The following LIMCH1 variants were observed in gnomAD, a reference collection of about 807,000 sequenced individuals.
LIMCH1 encodes LIM and calponin homology domains-containing protein 1.
A neutral mutation model predicts 176.5 loss-of-function variants in LIMCH1; 113 were observed. The observed-to-expected ratio is 0.64, with a 90% confidence interval of 0.55 to 0.75. The LOEUF is 0.75. Ranked by LOEUF, LIMCH1 falls within the 30% of genes least tolerant of loss-of-function variation. The pLI is 0.00. For missense variants in LIMCH1, 1,674 were observed against 1,814.9 expected (o/e 0.92, Z 1.41); for synonymous variants, 619 against 645.9 (o/e 0.96, Z 0.63).
intron 4 of LIMCH1, among the ~76,000 whole-genome samples, chr4:41,611,022 A>G (rs1343616637): frequency 6.6e-6 from 1 of 152,210 alleles, no homozygotes; most frequent in Non-Finnish European, 1.5e-5. Flanking sequence ...CAGTTTTGGG[A>G]TGATGCTGAA....
At chr4:41,432,208 G>A (rs539494770) in intron 1 of LIMCH1, among the ~76,000 whole-genome samples, 3 of 152,318 alleles carry the variant, frequency 2.0e-5, no homozygotes, top group East Asian at 1.9e-4. Flanking sequence ...TGGCTGATGC[G>A]TGTTGTGTGA....
At chr4:41,523,745 T>C (rs1389630275) in intron 2 of LIMCH1, among the ~76,000 whole-genome samples, 1 of 152,242 alleles carries the variant, frequency 6.6e-6, no homozygotes, top group Non-Finnish European at 1.5e-5. Context: ...TTCTCTTGCA[T>C]TCCCTTGCTT....
intron 3 of LIMCH1, 114 bp downstream of exon 3, chr4:41,604,019 G>A: frequency 2.0e-6 from 2 of 994,746 alleles, no homozygotes; most frequent in South Asian, 3.2e-5. Flanking sequence ...AAGTATATGT[G>A]TATTTCATAG....
In LIMCH1 at chr4:41,383,735, A is replaced by C. The variant is rs190378726; in HGVS notation, c.96+22799A>C. Among the ~76,000 whole-genome samples the C allele has an allele frequency of 8.3e-4, 126 of 152,292 alleles. 1 individual carries two copies. The highest frequency in any genetic ancestry group is 3.4e-3 in the Middle Eastern group (1 of 294). On this transcript the variant is annotated intron_variant, in intron 1 of 26. Transcript: ENST00000313860. ...TATCTATATCTATAGATCTATCTATATATATGTCTATATGTATGTGTATGT... is the reference window on the plus strand; with the variant it reads ...TATCTATATCTATAGATCTATCTATCTATATGTCTATATGTATGTGTATGT...
At chr4:41,509,312 T>G (rs931819161) in intron 2 of LIMCH1, among the ~76,000 whole-genome samples, 3 of 152,156 alleles carry the variant, frequency 2.0e-5, no homozygotes, top group African/African-American at 7.2e-5. Flanking sequence ...CTGTAGATGA[T>G]TAGATGGAGA....
chr4:41,553,037 G>T (rs1445499094), intron 1 of LIMCH1, among the ~76,000 whole-genome samples: 1 of 152,212 alleles, frequency 6.6e-6, no homozygotes. Context: ...GGGTTAACGT[G>T]ACCCTAGGTG....
intron 1 of LIMCH1, among the ~76,000 whole-genome samples, chr4:41,373,924 A>G (rs1183420865): frequency 2.6e-5 from 4 of 152,156 alleles, no homozygotes; most frequent in African/African-American, 9.7e-5. Context: ...AAAAGTGTGT[A>G]GTACCTCCCC....
intron 1 of LIMCH1, among the ~76,000 whole-genome samples, chr4:41,433,994 A>G (rs10017446): frequency 0.43 from 65,809 of 151,996 alleles, 17,740 homozygotes; most frequent in African/African-American, 0.77. Context: ...AGGGTTCTGG[A>G]CAGACACTGC....
chr4:41,494,657 C>T (rs758542297), intron 2 of LIMCH1: 3 of 1,187,534 alleles, frequency 2.5e-6, no homozygotes, highest in East Asian at 2.4e-5. Context: ...ATCATTAATA[C>T]TATCCAGTTT....
chr4:41,540,999 A>G (rs1191540669), intron 1 of LIMCH1, among the ~76,000 whole-genome samples: 4 of 152,278 alleles, frequency 2.6e-5, no homozygotes, highest in East Asian at 3.9e-4. Flanking sequence ...CTTAGCTCCC[A>G]ACAGGAAATG....
intron 2 of LIMCH1, among the ~76,000 whole-genome samples, chr4:41,512,143 A>C (rs1000895350): frequency 5.3e-5 from 8 of 152,226 alleles, no homozygotes; most frequent in Non-Finnish European, 1.0e-4. Context: ...TAGTAAGTAC[A>C]TAAAAAAGAT....
chr4:41,689,696 G>A (rs1431787998), intron 30 of LIMCH1, 61 bp downstream of exon 30: 53 of 1,079,628 alleles, frequency 4.9e-5, no homozygotes, highest in South Asian at 1.5e-4. Flanking sequence ...GCATCGTTCC[G>A]TGCTGAAAAA....
intron 1 of LIMCH1, among the ~76,000 whole-genome samples, chr4:41,559,187 G>T (rs992098136): frequency 3.3e-5 from 5 of 152,068 alleles, no homozygotes; most frequent in African/African-American, 1.2e-4. Flanking sequence ...AAATATCCTT[G>T]CTGTTTTTGC....
At chr4:41,396,675 C>T (rs886746392) in intron 1 of LIMCH1, among the ~76,000 whole-genome samples, 1 of 151,934 alleles carries the variant, frequency 6.6e-6, no homozygotes, top group South Asian at 2.1e-4. Flanking sequence ...CCGAGGTGGG[C>T]AGATCACTTG....
rs763759852 is a variant in LIMCH1 at position 41,697,224 on chromosome 4, A to C, written c.*39A>C. The C allele has an allele frequency of 2.5e-6, 4 of 1,602,716 alleles. No individual in the cohort carries two copies. In the South Asian group the frequency reaches 3.3e-5, roughly 13 times the overall value. On this transcript the variant is annotated 3_prime_UTR_variant, in exon 32 of 32. Coordinates refer to ENST00000503057, the MANE Select transcript of LIMCH1 (RefSeq NM_001330672.2). ...CTTCCGGATCACTCACCATTTCTTT[A>C]CTGAGAGTGTCCCCTGGCAACTGCT...
chr4:41,408,477 T>G (rs945748058), intron 1 of LIMCH1, among the ~76,000 whole-genome samples: 1 of 152,166 alleles, frequency 6.6e-6, no homozygotes, highest in African/African-American at 2.4e-5. Flanking sequence ...AAATGGAGAC[T>G]CAGAAGAGTC....
intron 1 of LIMCH1, among the ~76,000 whole-genome samples, chr4:41,419,696 CTTCCTTCCTTCCT>C (rs2060422748): frequency 9.2e-6 from 1 of 108,148 alleles, no homozygotes; most frequent in African/African-American, 3.6e-5. Flanking sequence ...TCCTTCCTTC[CTTCCTTCCTTCCT>C]TCCTTCCTTC....
chr4:41,503,097 T>C (rs377183120), intron 2 of LIMCH1, among the ~76,000 whole-genome samples: 41 of 152,288 alleles, frequency 2.7e-4, no homozygotes, highest in African/African-American at 9.6e-4. Flanking sequence ...GGGTAAGTTT[T>C]CCCATATGGT....
At chr4:41,633,889 T>A in intron 13 of LIMCH1, 81 bp downstream of exon 13, 1 of 1,369,484 alleles carries the variant, frequency 7.3e-7, no homozygotes, top group Non-Finnish European at 9.8e-7. Flanking sequence ...TTATGGCACC[T>A]CAGTGCCGCT....
Sources: allele counts gnomAD v4.1 joint callset (sites outside exome capture counted in the v4.1 genomes callset), GRCh38; gene constraint gnomAD v4.1.1; transcripts MANE v1.5; gene names NCBI Gene and HGNC (gene_info 2026-07-23, HGNC 2026-07-21).